LYPLAL1: variants seen among roughly 807,000 people sequenced by gnomAD.
LYPLAL1 encodes the protein lysophospholipase-like protein 1.
In LYPLAL1, 23 loss-of-function variants were observed where a neutral mutation model predicts 19.7. The observed-to-expected ratio is 1.17, with a 90% CI of 0.84 to 1.65. The LOEUF (loss-of-function observed/expected upper bound fraction) is 1.65, where lower values mean the gene tolerates loss of function less well. Ranked by LOEUF, LYPLAL1 falls within the 40% of genes most tolerant of loss-of-function variation. The pLI is 0.00. For synonymous variants in LYPLAL1, 119 were observed against 96.3 expected (o/e 1.24, Z -1.38); for missense variants, 355 against 279.4 (o/e 1.27, Z -1.93).
At chr1:219,193,447 T>C (rs989883075) in intron 3 of LYPLAL1, 196 bp downstream of exon 3, 14 of 337,464 alleles carry the variant, frequency 4.1e-5, no homozygotes, top group Non-Finnish European at 6.3e-5. Flanking sequence ...TAATTGATTT[T>C]CTTTTTGAAT....
chr1:219,393,716 G>A, the LYPLAL1 span, among the ~76,000 whole-genome samples: 2 of 151,440 alleles, frequency 1.3e-5, no homozygotes, highest in East Asian at 3.9e-4. Flanking sequence ...CTGTTTTTCA[G>A]TAATTTAAAA....
the LYPLAL1 span, among the ~76,000 whole-genome samples, chr1:219,445,187 T>C: frequency 6.6e-6 from 1 of 152,098 alleles, no homozygotes; most frequent in Non-Finnish European, 1.5e-5. Flanking sequence ...AATTTTTTTT[T>C]AATAATAAGT....
the LYPLAL1 span, among the ~76,000 whole-genome samples, chr1:219,251,794 G>A: frequency 6.6e-6 from 1 of 151,962 alleles, no homozygotes; most frequent in Non-Finnish European, 1.5e-5. Flanking sequence ...TATTAAAATA[G>A]CTTTTTCTAG....
intron 1 of LYPLAL1, among the ~76,000 whole-genome samples, chr1:219,176,786 T>A (rs1387120788): frequency 6.6e-6 from 1 of 152,212 alleles, no homozygotes; most frequent in Non-Finnish European, 1.5e-5. Context: ...ATTCTATTTT[T>A]GAGCTCTAGA....
At chr1:219,444,825 A>T in the LYPLAL1 span, among the ~76,000 whole-genome samples, 3 of 152,244 alleles carry the variant, frequency 2.0e-5, no homozygotes, top group Admixed American at 6.5e-5. Flanking sequence ...CTTTCCAACA[A>T]CTGGAGTCAA....
the LYPLAL1 span, among the ~76,000 whole-genome samples, chr1:219,316,072 C>T: frequency 6.6e-5 from 10 of 152,242 alleles, no homozygotes; most frequent in Admixed American, 2.6e-4. Flanking sequence ...GAAGCAGATA[C>T]GCTTACAGGT....
chr1:219,229,982 T>C, the LYPLAL1 span, among the ~76,000 whole-genome samples: 5 of 152,200 alleles, frequency 3.3e-5, no homozygotes, highest in Admixed American at 2.6e-4. Context: ...CAATGTATTA[T>C]TAAGGTTACC....
chr1:219,277,231 A>T, the LYPLAL1 span, among the ~76,000 whole-genome samples: 1 of 152,146 alleles, frequency 6.6e-6, no homozygotes, highest in Non-Finnish European at 1.5e-5. Context: ...ACAAGGGGTC[A>T]TGCTCCCTTT....
chr1:219,325,639 A>G, the LYPLAL1 span, among the ~76,000 whole-genome samples: 1 of 152,166 alleles, frequency 6.6e-6, no homozygotes, highest in Non-Finnish European at 1.5e-5. Context: ...AAGCACCCAC[A>G]TACATATTTT....
chr1:219,338,847 C>T, the LYPLAL1 span, among the ~76,000 whole-genome samples: 2 of 151,298 alleles, frequency 1.3e-5, no homozygotes, highest in Non-Finnish European at 3.0e-5. Flanking sequence ...AATTAAGTGC[C>T]ATCATGGACA....
At chr1:219,292,572 ACCT>A in the LYPLAL1 span, among the ~76,000 whole-genome samples, 1 of 152,038 alleles carries the variant, frequency 6.6e-6, no homozygotes, top group Non-Finnish European at 1.5e-5. Flanking sequence ...TAGGACTGAA[ACCT>A]TGCTGCCCTC....
the LYPLAL1 span, among the ~76,000 whole-genome samples, chr1:219,221,010 C>T: frequency 6.6e-6 from 1 of 152,150 alleles, no homozygotes; most frequent in Non-Finnish European, 1.5e-5. Context: ...TGGTCAATGT[C>T]AATGACCCAT....
At chr1:219,395,385 GT>G in the LYPLAL1 span, among the ~76,000 whole-genome samples, 1 of 151,830 alleles carries the variant, frequency 6.6e-6, no homozygotes, top group Non-Finnish European at 1.5e-5. Flanking sequence ...GTGATATTGT[GT>G]TTTTTTTCTC....
the LYPLAL1 span, among the ~76,000 whole-genome samples, chr1:219,321,957 A>T: frequency 6.6e-6 from 1 of 152,206 alleles, no homozygotes. Flanking sequence ...TTGAGTCCCA[A>T]TGCTTTGGAT....
the LYPLAL1 span, among the ~76,000 whole-genome samples, chr1:219,365,336 A>C: frequency 6.6e-6 from 1 of 152,096 alleles, no homozygotes; most frequent in Non-Finnish European, 1.5e-5. Context: ...TTAATTTATA[A>C]TCTTCATATC....
the LYPLAL1 span, among the ~76,000 whole-genome samples, chr1:219,444,367 A>T: frequency 2.1e-4 from 32 of 152,316 alleles, no homozygotes; most frequent in East Asian, 5.8e-3. Context: ...AAAGGCTTGG[A>T]CTACATGTTT....
chr1:219,177,156 G>A (rs1655884606), intron 1 of LYPLAL1, among the ~76,000 whole-genome samples: 1 of 152,170 alleles, frequency 6.6e-6, no homozygotes, highest in Non-Finnish European at 1.5e-5. Context: ...GGAGGCTCCA[G>A]GGTAGGGTCC....
At chr1:219,218,648 A>T in the LYPLAL1 span, among the ~76,000 whole-genome samples, 2 of 152,072 alleles carry the variant, frequency 1.3e-5, no homozygotes, top group African/African-American at 4.8e-5. Flanking sequence ...AGACTATATG[A>T]TCACTCAAGA....
the LYPLAL1 span, among the ~76,000 whole-genome samples, chr1:219,321,156 C>G: frequency 6.6e-6 from 1 of 152,144 alleles, no homozygotes; most frequent in South Asian, 2.1e-4. Context: ...GATGGTATCT[C>G]ATTGTGGTTT....
Sources: allele counts gnomAD v4.1 joint callset (sites outside exome capture counted in the v4.1 genomes callset), GRCh38; gene constraint gnomAD v4.1.1; transcripts MANE v1.5; gene names NCBI Gene and HGNC (gene_info 2026-07-23, HGNC 2026-07-21).